Variants in COL15A1 observed in about 807,000 individuals in gnomAD.
COL15A1 encodes collagen alpha-1(XV) chain.
A neutral mutation model predicts 165.9 loss-of-function variants in COL15A1; 111 were observed. That is an observed-to-expected ratio of 0.67 (90% confidence interval 0.57 to 0.78). The LOEUF is 0.78. COL15A1 is among the 30% of genes least tolerant of loss of function. COL15A1 has a pLI of 0.00. For synonymous variants in COL15A1, 659 were observed against 674.8 expected (o/e 0.98, Z 0.36); for missense variants, 1,745 against 1,789.7 (o/e 0.98, Z 0.45).
At chr9:99,062,960 CAAGA>C in intron 38 of COL15A1, 86 bp from the exon 39 acceptor site, 2 of 1,474,252 alleles carry the variant, frequency 1.4e-6, no homozygotes, top group Middle Eastern at 3.5e-4. Flanking sequence ...AGCATCTTCT[CAAGA>C]AACATTGCAC....
In COL15A1 at chr9:99,049,864, C is replaced by G; in HGVS notation, c.2873C>G (p.Pro958Arg). Residue 958 changes from proline to arginine, a missense_variant, in exon 30 of 42, where the codon CCA becomes CGA. Transcript: ENST00000375001. ...AVINIKGAIF[P>R]IPVRPHCKMP... Reference sequence around the variant, plus strand: ...TCTCATTACCCACAGGCCATTTTCCCAATACCCGTCCGACCACACTGCAAA... The same window carrying G: ...TCTCATTACCCACAGGCCATTTTCCGAATACCCGTCCGACCACACTGCAAA... 2 of 1,614,204 alleles carry G rather than the reference C, an allele frequency of 1.2e-6. No homozygotes were observed. Among genetic ancestry groups the G allele is most frequent in the Non-Finnish European group, 1.7e-6 (2 of 1,180,026 alleles).
Position 99,070,615 on chromosome 9 carries a change from C to G in COL15A1, c.*729C>G, listed in dbSNP as rs1304280620. 3 of 454,144 alleles carry G rather than the reference C, an allele frequency of 6.6e-6. No homozygotes were observed. Among genetic ancestry groups the G allele is most frequent in the Non-Finnish European group, 1.3e-5 (3 of 226,012 alleles). 28.1% of individuals were successfully genotyped at this position (454,144 alleles called of 1,614,324 possible). ...CCTTGGCGGCTCTCCTCCCCAACCCCCACCCCACAATTTTATGACTTCCAT... is the reference window on the plus strand; with the variant it reads ...CCTTGGCGGCTCTCCTCCCCAACCCGCACCCCACAATTTTATGACTTCCAT... On this transcript the variant is annotated 3_prime_UTR_variant, in exon 42 of 42. Transcript: ENST00000375001.
At chr9:99,054,749 T>A in intron 32 of COL15A1, 93 bp downstream of exon 32, 1 of 1,371,536 alleles carries the variant, frequency 7.3e-7, no homozygotes, top group Non-Finnish European at 9.9e-7. Flanking sequence ...AGGGTAAGAC[T>A]AATGACATTC....
chr9:99,056,648 T>G (rs13291453), intron 35 of COL15A1, among the ~76,000 whole-genome samples: 16,990 of 152,314 alleles, frequency 0.11, 1,149 homozygotes, highest in South Asian at 0.2. Context: ...TGTCTAATTC[T>G]AGACCATTTT....
rs558680115 is a variant in COL15A1, at chr9:98,946,380, A to G, written c.100+2130A>G. ...AGTTAGAAGAGCTTCACGGATGGAG[A>G]AGGCTTTAGGGGTTCCATGGTCTCC... On this transcript the variant is annotated intron_variant, in intron 2 of 41. Coordinates refer to ENST00000375001, the MANE Select transcript of COL15A1 (RefSeq NM_001855.5). 2.0e-5 allele frequency among the ~76,000 whole-genome samples: 3 copies of G among 152,156 alleles called. No individual in the cohort carries two copies. In the South Asian group the frequency reaches 6.2e-4, roughly 32 times the overall value.
chr9:99,021,279 G>A (rs114594862), intron 12 of COL15A1, among the ~76,000 whole-genome samples: 2,189 of 152,314 alleles, frequency 0.014, 60 homozygotes, highest in African/African-American at 0.051. Context: ...CGGGGTGTGG[G>A]GAAGGGAGGG....
At chr9:99,063,884 G>T (rs868101479) in intron 39 of COL15A1, among the ~76,000 whole-genome samples, 9 of 152,114 alleles carry the variant, frequency 5.9e-5, no homozygotes, top group Non-Finnish European at 1.3e-4. Context: ...CTGCTTGGAT[G>T]ATTGAGTGGT....
chr9:98,997,863 A>T (rs1838575548), intron 6 of COL15A1: 1 of 152,262 alleles, frequency 6.6e-6, no homozygotes, highest in African/African-American at 2.4e-5. Flanking sequence ...AGGGGCCGTC[A>T]CTTCAGACTG....
intron 21 of COL15A1, among the ~76,000 whole-genome samples, chr9:99,037,040 C>G (rs1313087922): frequency 1.3e-5 from 2 of 152,208 alleles, no homozygotes; most frequent in African/African-American, 4.8e-5. Flanking sequence ...TATGTGCTCC[C>G]TTTAGATGGC....
At chr9:98,989,319 T>A in intron 5 of COL15A1, 61 bp downstream of exon 5, 1 of 1,364,686 alleles carries the variant, frequency 7.3e-7, no homozygotes, top group Non-Finnish European at 1.0e-6. Context: ...TGAGAATTAC[T>A]AGAGGGGGCC....
At chr9:99,018,973 A>AAG (rs371946808) in intron 11 of COL15A1, among the ~76,000 whole-genome samples, 2,923 of 150,354 alleles carry the variant, frequency 0.019, 87 homozygotes, top group African/African-American at 0.068. Flanking sequence ...TCTGAGAAGG[A>AAG]AGAGAGAGAG....
intron 15 of COL15A1, 98 bp from the exon 16 acceptor site, chr9:99,025,806 C>T: frequency 7.5e-7 from 1 of 1,333,242 alleles, no homozygotes. Flanking sequence ...GCCCACCAGC[C>T]TCACCTGCCT....
At chr9:99,005,528 C>T (rs554230781) in intron 9 of COL15A1, among the ~76,000 whole-genome samples, 2 of 152,294 alleles carry the variant, frequency 1.3e-5, no homozygotes, top group South Asian at 2.1e-4. Context: ...TGTGCTGTCT[C>T]TACTATGGGT....
At chr9:98,962,878 G>T (rs1837885535) in intron 2 of COL15A1, among the ~76,000 whole-genome samples, 1 of 152,214 alleles carries the variant, frequency 6.6e-6, no homozygotes, top group Non-Finnish European at 1.5e-5. Context: ...GAAGGAACTT[G>T]TCTATCACTG....
intron 2 of COL15A1, among the ~76,000 whole-genome samples, chr9:98,981,641 T>C (rs933939754): frequency 6.6e-6 from 1 of 152,060 alleles, no homozygotes; most frequent in Non-Finnish European, 1.5e-5. Flanking sequence ...ACGTATCGAG[T>C]GGACATACAA....
chr9:99,063,119 A>AT lies in COL15A1; in HGVS notation c.3651+13dup. The AT allele has an allele frequency of 6.3e-7, 1 of 1,580,212 alleles. No homozygotes were observed. Among genetic ancestry groups the AT allele is most frequent in the African/African-American group, 1.4e-5 (1 of 72,670 alleles). ...TTATGAGAAGCCTGCTGTAAGTACAATTTATACATTTAATCTTCAAATACT... is the reference window on the plus strand; with the variant it reads ...TTATGAGAAGCCTGCTGTAAGTACAATTTTATACATTTAATCTTCAAATACT... On this transcript the variant is annotated intron_variant, in intron 39 of 41. Coordinates refer to ENST00000375001, the MANE Select transcript of COL15A1 (RefSeq NM_001855.5).
rs1381603813 is a variant in COL15A1 at position 99,038,714 on chromosome 9, C to T, written c.2456C>T (p.Pro819Leu). The change falls in exon 22 of 42, where the codon CCT becomes CTT. Residue 819 changes from proline to leucine, a missense_variant. By Grantham distance (98) the Pro-to-Leu change is moderately conservative (BLOSUM62 -3). Coordinates refer to ENST00000375001, the MANE Select transcript of COL15A1 (RefSeq NM_001855.5). Reference sequence around the variant, plus strand: ...GGATTCATGAATTTCTCGGACATTCCTGAGCTGGTGGGGCCTCCGGTTGGT... The same window carrying T: ...GGATTCATGAATTTCTCGGACATTCTTGAGCTGGTGGGGCCTCCGGTTGGT... ...THGFMNFSDI[P>L]ELVGPPGPDG... The T allele has an allele frequency of 6.2e-7, 1 of 1,610,240 alleles. No homozygotes were observed. Among genetic ancestry groups the T allele is most frequent in the East Asian group, 2.2e-5 (1 of 44,864 alleles).
chr9:98,989,323 G>A (rs1241705112), intron 5 of COL15A1, 65 bp downstream of exon 5: 1 of 1,340,944 alleles, frequency 7.5e-7, no homozygotes, highest in Non-Finnish European at 1.1e-6. Context: ...AATTACTAGA[G>A]GGGGCCCAGA....
intron 7 of COL15A1, among the ~76,000 whole-genome samples, chr9:99,003,214 C>A (rs560952223): frequency 1.3e-5 from 2 of 152,220 alleles, no homozygotes; most frequent in Non-Finnish European, 2.9e-5. Context: ...GACTCAGGAG[C>A]AGTGATTTCC....
Sources: gnomAD v4.1 joint callset for allele counts (sites outside exome capture counted in the v4.1 genomes callset) on GRCh38, gnomAD v4.1.1 for gene constraint, MANE v1.5 for transcripts, NCBI Gene and HGNC (gene_info 2026-07-23, HGNC 2026-07-21) for gene names.